VPS37A: variants seen among roughly 807,000 people sequenced by gnomAD.
VPS37A encodes the protein VPS37A subunit of ESCRT-I.
A neutral mutation model predicts 49.8 loss-of-function variants in VPS37A; 30 were observed. The observed-to-expected ratio is 0.60, with a 90% CI of 0.45 to 0.82. VPS37A has a LOEUF of 0.82. Among genes scored for constraint, VPS37A ranks in the 40% least tolerant of loss-of-function variants. The probability of loss-of-function intolerance (pLI) is 0.00; values close to 1 mark genes in which losing one functional copy is unlikely to be tolerated. For synonymous variants in VPS37A, 195 were observed against 160.6 expected (o/e 1.21, Z -1.62); for missense variants, 593 against 464.4 (o/e 1.28, Z -2.55).
the VPS37A span, among the ~76,000 whole-genome samples, chr8:17,312,700 CTAAA>C: frequency 6.6e-6 from 1 of 151,718 alleles, no homozygotes; most frequent in African/African-American, 2.4e-5. Flanking sequence ...GTACCTGGCA[CTAAA>C]TAAAGATTTC....
chr8:17,249,009 C>G (rs1811730400), intron 1 of VPS37A, among the ~76,000 whole-genome samples: 1 of 152,202 alleles, frequency 6.6e-6, no homozygotes, highest in South Asian at 2.1e-4. Flanking sequence ...GAAGTTGTTA[C>G]CTTGGTAGAC....
intron 1 of VPS37A, among the ~76,000 whole-genome samples, chr8:17,259,084 C>T (rs1261925576): frequency 3.3e-5 from 5 of 151,998 alleles, no homozygotes; most frequent in Non-Finnish European, 7.4e-5. Context: ...TTGGTCTCAA[C>T]TTCATTGATT....
At chr8:17,252,109 G>T (rs982835351) in intron 1 of VPS37A, among the ~76,000 whole-genome samples, 1 of 152,150 alleles carries the variant, frequency 6.6e-6, no homozygotes, top group African/African-American at 2.4e-5. Context: ...ATATTTTTAT[G>T]AAAAGCATTT....
At chr8:17,321,900 C>A in the VPS37A span, among the ~76,000 whole-genome samples, 1 of 152,124 alleles carries the variant, frequency 6.6e-6, no homozygotes, top group East Asian at 1.9e-4. Context: ...AATTTTAGGA[C>A]CTCTGCAAAT....
intron 1 of VPS37A, among the ~76,000 whole-genome samples, chr8:17,262,976 G>A (rs368165602): frequency 3.3e-5 from 5 of 151,650 alleles, no homozygotes; most frequent in South Asian, 4.2e-4. Flanking sequence ...CAGGAGAATC[G>A]GTTGAACCCG....
the VPS37A span, among the ~76,000 whole-genome samples, chr8:17,309,703 T>C: frequency 1.3e-5 from 2 of 152,148 alleles, no homozygotes; most frequent in Non-Finnish European, 1.5e-5. Flanking sequence ...ATCATGCTAC[T>C]AGGAAGGAGA....
At chr8:17,293,707 C>G (rs528794143) in intron 11 of VPS37A, among the ~76,000 whole-genome samples, 1 of 152,100 alleles carries the variant, frequency 6.6e-6, no homozygotes, top group Non-Finnish European at 1.5e-5. Context: ...CTAACAAGCC[C>G]CTCTTCTGCA....
rs1232644338 is a variant in VPS37A at position 17,296,167 on chromosome 8, CTGTACA to C, written c.*1185_*1190del. The C allele has an allele frequency of 1.3e-5, 2 of 152,088 alleles. No individual in the cohort carries two copies. The highest frequency in any genetic ancestry group is 4.8e-5 in the African/African-American group (2 of 41,410). The allele number at this position is 152,088 out of a possible 1,614,324, so 9.4% of individuals were successfully genotyped here. ...TCTTTTTTATATTTTTTAGTTCTTC[CTGTACA>C]TGTTTTTGGCAATAAAGTTATAGGA... On this transcript the variant is annotated 3_prime_UTR_variant, in exon 12 of 12. Transcript: ENST00000324849.
intron 6 of VPS37A, among the ~76,000 whole-genome samples, chr8:17,276,750 A>T (rs1250653295): frequency 6.6e-6 from 1 of 152,160 alleles, no homozygotes; most frequent in Non-Finnish European, 1.5e-5. Flanking sequence ...TCTTTGAAAA[A>T]TATTTTTGAA....
chr8:17,263,416 C>G (rs1813147278), intron 1 of VPS37A, among the ~76,000 whole-genome samples: 1 of 152,032 alleles, frequency 6.6e-6, no homozygotes. Flanking sequence ...AAATGCATTT[C>G]TAGATTGCCA....
chr8:17,286,602 C>G, intron 11 of VPS37A, 175 bp downstream of exon 11: 1 of 518,116 alleles, frequency 1.9e-6, no homozygotes, highest in Non-Finnish European at 3.3e-6. Context: ...AAACATATAA[C>G]TAGTAGAAAT....
Position 17,268,927 on chromosome 8 carries a change from T to C in VPS37A, c.387T>C (p.Val129=). Residue 129 remains valine, a synonymous_variant, in exon 4 of 12, where the codon GTT becomes GTC. Transcript: ENST00000324849. ...LLDEFWKNPP[V]LAPTSTAFPY... ...ATGAGTTTTGGAAGAATCCTCCAGT[T>C]TTAGCTCCTACTTCAACAGCATTTC... 1 of 1,609,876 alleles carries C rather than the reference T, an allele frequency of 6.2e-7. No individual in the cohort carries two copies. The highest frequency in any genetic ancestry group is 8.5e-7 in the Non-Finnish European group (1 of 1,179,072).
At chr8:17,305,022 C>G (rs1485363061), downstream of VPS37A, among the ~76,000 whole-genome samples, 5 of 152,082 alleles carry the variant, frequency 3.3e-5, no homozygotes, top group Admixed American at 3.3e-4. Context: ...TAGTCAGGTA[C>G]AAGAAAACAG....
chr8:17,249,090 T>C (rs1811737660), intron 1 of VPS37A, among the ~76,000 whole-genome samples: 1 of 152,218 alleles, frequency 6.6e-6, no homozygotes, highest in Non-Finnish European at 1.5e-5. Flanking sequence ...TAATTGCTTT[T>C]AAACCTTAGT....
At chr8:17,313,184 C>G in the VPS37A span, 3 of 702,204 alleles carry the variant, frequency 4.3e-6, no homozygotes, top group African/African-American at 5.3e-5. Context: ...GCTATCCAGT[C>G]AGTGCAGTGC....
the VPS37A span, among the ~76,000 whole-genome samples, chr8:17,309,553 C>T: frequency 6.6e-6 from 1 of 152,192 alleles, no homozygotes; most frequent in African/African-American, 2.4e-5. Flanking sequence ...TATAAAAATG[C>T]AGGAACCCCA....
chr8:17,284,107 A>T (rs981206209), intron 9 of VPS37A, among the ~76,000 whole-genome samples: 2 of 152,142 alleles, frequency 1.3e-5, no homozygotes, highest in Non-Finnish European at 2.9e-5. Flanking sequence ...TTCAGCCCAC[A>T]CTCAATGGTG....
intron 11 of VPS37A, chr8:17,286,691 G>A (rs1447139186): frequency 1.2e-5 from 4 of 340,954 alleles, no homozygotes; most frequent in Non-Finnish European, 2.1e-5. Context: ...GTAAGTTATA[G>A]TCAGTTCCTT....
the VPS37A span, chr8:17,309,420 C>G: frequency 1.2e-6 from 1 of 834,000 alleles, no homozygotes; most frequent in Non-Finnish European, 2.0e-6. Flanking sequence ...GAGGCACTTG[C>G]AGAAGTCCCC....
Sources: gnomAD v4.1 joint callset for allele counts (sites outside exome capture counted in the v4.1 genomes callset) on GRCh38, gnomAD v4.1.1 for gene constraint, MANE v1.5 for transcripts, NCBI Gene and HGNC (gene_info 2026-07-23, HGNC 2026-07-21) for gene names.